MAML2: variants seen among roughly 807,000 people sequenced by gnomAD.
MAML2 encodes the protein mastermind like transcriptional coactivator 2.
In MAML2, 22 loss-of-function variants were observed where a neutral mutation model predicts 96.1. The ratio of observed to expected loss-of-function variants is 0.23; its 90% CI spans 0.16 to 0.33. The LOEUF (loss-of-function observed/expected upper bound fraction) is 0.33. MAML2 is among the 10% of genes least tolerant of loss of function. The pLI, the probability that MAML2 is intolerant of heterozygous loss-of-function variation, is 1.00. For missense variants in MAML2, 1,367 were observed against 1,392.4 expected, an observed-to-expected ratio of 0.98 and a Z score of 0.29; for synonymous variants, 561 against 521.3, an observed-to-expected ratio of 1.08 and a Z score of -1.04.
At chr11:96,254,543 G>T (rs1471708548) in intron 1 of MAML2, among the ~76,000 whole-genome samples, 1 of 151,706 alleles carries the variant, frequency 6.6e-6, no homozygotes, top group Non-Finnish European at 1.5e-5. Context: ...CTTGACAAAA[G>T]GACGTTGATA....
At chr11:95,997,122 T>G (rs1266630933) in intron 2 of MAML2, among the ~76,000 whole-genome samples, 3 of 152,190 alleles carry the variant, frequency 2.0e-5, no homozygotes, top group Non-Finnish European at 4.4e-5. Context: ...AATCATGAAC[T>G]TGCATGATCT....
At chr11:96,282,508 C>T (rs502922) in intron 1 of MAML2, among the ~76,000 whole-genome samples, 109,976 of 152,010 alleles carry the variant, frequency 0.72, 39,845 homozygotes, top group East Asian at 0.83. Flanking sequence ...TTGAAATCTG[C>T]GGCAATTTTT....
chr11:96,187,536 C>T (rs1041742929), intron 1 of MAML2, among the ~76,000 whole-genome samples: 1 of 152,146 alleles, frequency 6.6e-6, no homozygotes, highest in Non-Finnish European at 1.5e-5. Context: ...AGGCCGGGTG[C>T]GGTGGCTCAC....
intron 1 of MAML2, among the ~76,000 whole-genome samples, chr11:96,177,382 A>G (rs941709555): frequency 1.3e-5 from 2 of 152,250 alleles, no homozygotes; most frequent in African/African-American, 4.8e-5. Context: ...ACCGGGAAAG[A>G]AGCAGGCATG....
chr11:96,306,175 T>A (rs955618660), intron 1 of MAML2, among the ~76,000 whole-genome samples: 12 of 152,278 alleles, frequency 7.9e-5, no homozygotes, highest in Admixed American at 6.5e-4. Context: ...GTGCCTTTGA[T>A]CACTGCACGA....
intron 1 of MAML2, among the ~76,000 whole-genome samples, chr11:96,155,517 T>C (rs1301819111): frequency 0.015 from 667 of 45,178 alleles, 36 homozygotes; most frequent in African/African-American, 0.046. Flanking sequence ...CAAATATATA[T>C]ATATATATAT....
chr11:96,074,006 G>A (rs997183205), intron 2 of MAML2, among the ~76,000 whole-genome samples: 1 of 152,108 alleles, frequency 6.6e-6, no homozygotes, highest in African/African-American at 2.4e-5. Context: ...CTTACTCTGA[G>A]GTTATGTTCG....
intron 2 of MAML2, among the ~76,000 whole-genome samples, chr11:96,068,412 A>T (rs1859276938): frequency 7.6e-6 from 1 of 131,356 alleles, no homozygotes; most frequent in African/African-American, 2.7e-5. Context: ...TCTGATGCAC[A>T]GTAGAATTTC....
At chr11:96,148,580 G>C (rs1458696563) in intron 1 of MAML2, among the ~76,000 whole-genome samples, 1 of 95,178 alleles carries the variant, frequency 1.1e-5, no homozygotes, top group Non-Finnish European at 2.1e-5. Flanking sequence ...TTAATGCATT[G>C]CTTTCCCTGA....
At chr11:96,172,593 C>T (rs1264301075) in intron 1 of MAML2, among the ~76,000 whole-genome samples, 1 of 152,154 alleles carries the variant, frequency 6.6e-6, no homozygotes, top group Non-Finnish European at 1.5e-5. Flanking sequence ...CATTTTTGTC[C>T]TGAAATGTTG....
chr11:96,108,015 C>A (rs981433346), intron 1 of MAML2, among the ~76,000 whole-genome samples: 1 of 152,104 alleles, frequency 6.6e-6, no homozygotes, highest in Non-Finnish European at 1.5e-5. Context: ...GAATCAAACC[C>A]GAAGAAGAGG....
At chr11:96,334,112 T>C (rs551747165) in intron 1 of MAML2, among the ~76,000 whole-genome samples, 1 of 152,304 alleles carries the variant, frequency 6.6e-6, no homozygotes, top group East Asian at 1.9e-4. Context: ...TGGAAATCTA[T>C]CCCAGGTGAT....
intron 1 of MAML2, among the ~76,000 whole-genome samples, chr11:96,237,565 A>C (rs544277049): frequency 1.3e-5 from 2 of 152,366 alleles, no homozygotes; most frequent in African/African-American, 4.8e-5. Context: ...ACAAACTGTT[A>C]GGCACATAGT....
intron 1 of MAML2, among the ~76,000 whole-genome samples, chr11:96,165,188 G>A (rs911881745): frequency 1.3e-5 from 2 of 152,018 alleles, no homozygotes; most frequent in Middle Eastern, 3.4e-3. Flanking sequence ...TTCCCTACAC[G>A]TTGCAATTTA....
chr11:96,145,335 C>T (rs145901303), intron 1 of MAML2, among the ~76,000 whole-genome samples: 1,548 of 152,320 alleles, frequency 0.01, 18 homozygotes, highest in Admixed American at 0.021. Flanking sequence ...TCTCATTAAA[C>T]GCTCAAGATC....
chr11:96,301,542 C>T (rs1251140367), intron 1 of MAML2, among the ~76,000 whole-genome samples: 1 of 152,234 alleles, frequency 6.6e-6, no homozygotes, highest in Non-Finnish European at 1.5e-5. Context: ...GTGTTAGAAG[C>T]AGAATGACCC....
At chr11:96,329,946 C>A (rs534898689) in intron 1 of MAML2, among the ~76,000 whole-genome samples, 15 of 152,302 alleles carry the variant, frequency 9.8e-5, no homozygotes, top group African/African-American at 3.6e-4. Flanking sequence ...AGATCGAATG[C>A]AATTACATTG....
At chr11:96,153,299 T>C (rs888940339) in intron 1 of MAML2, among the ~76,000 whole-genome samples, 4 of 152,116 alleles carry the variant, frequency 2.6e-5, no homozygotes, top group African/African-American at 9.7e-5. Context: ...GTATTATTTG[T>C]TAGGAGGACC....
intron 1 of MAML2, among the ~76,000 whole-genome samples, chr11:96,313,231 TGAGACC>T (rs1863571399): frequency 6.6e-6 from 1 of 152,178 alleles, no homozygotes; most frequent in Non-Finnish European, 1.5e-5. Context: ...ATCTAACTTC[TGAGACC>T]AATAGTCTAA....
Sources: allele counts gnomAD v4.1 joint callset (sites outside exome capture counted in the v4.1 genomes callset), GRCh38; gene constraint gnomAD v4.1.1; transcripts MANE v1.5; gene names NCBI Gene and HGNC (gene_info 2026-07-23, HGNC 2026-07-21).